Variants in RAI2 observed in about 807,000 individuals in gnomAD.
RAI2 encodes retinoic acid-induced protein 2.
Under a neutral mutation model 15.3 loss-of-function variants are expected in RAI2, and 5 were observed. That is an observed-to-expected ratio of 0.33 (90% CI 0.17 to 0.69). The LOEUF is 0.69. RAI2 is among the 30% of genes least tolerant of loss of function. The pLI is 0.69. For synonymous variants in RAI2, 191 were observed against 184.0 expected, an observed-to-expected ratio of 1.04 and a Z score of -0.31; for missense variants, 424 against 424.7, an observed-to-expected ratio of 1.00 and a Z score of 0.01.
At chrX:17,808,636 C>A (rs904116648) in intron 1 of RAI2, among the ~76,000 whole-genome samples, 2 of 110,560 alleles carry the variant, frequency 1.8e-5, no homozygotes, top group East Asian at 2.8e-4. Context: ...CCTCTTCCCC[C>A]CCGGCCCCCG....
At chrX:17,848,554 G>A (rs922142769) in intron 1 of RAI2, among the ~76,000 whole-genome samples, 2 of 110,298 alleles carry the variant, frequency 1.8e-5, no homozygotes, top group African/African-American at 6.6e-5. Flanking sequence ...TGTTAAGGTG[G>A]CTGACATCAC....
At chrX:17,803,524 C>T (rs1328426694) in intron 1 of RAI2, among the ~76,000 whole-genome samples, 1 of 108,892 alleles carries the variant, frequency 9.2e-6, no homozygotes, top group Non-Finnish European at 1.9e-5. Context: ...GAGTGAGACT[C>T]CTTTAAAAAA....
At chrX:17,820,847 A>C (rs1411793852) in intron 1 of RAI2, among the ~76,000 whole-genome samples, 1 of 110,584 alleles carries the variant, frequency 9.0e-6, no homozygotes, top group East Asian at 2.8e-4. Flanking sequence ...CCAACCTCTC[A>C]GCTGAAGAAG....
intron 1 of RAI2, among the ~76,000 whole-genome samples, chrX:17,831,705 C>T (rs1014098963): frequency 1.8e-5 from 2 of 112,423 alleles, no homozygotes; most frequent in African/African-American, 6.5e-5. Context: ...TAAGGACTGT[C>T]GAAGTGGGAG....
At chrX:17,841,025 G>A (rs900151686) in intron 1 of RAI2, among the ~76,000 whole-genome samples, 7 of 111,872 alleles carry the variant, frequency 6.3e-5, no homozygotes, top group African/African-American at 2.0e-4. Context: ...TTTATTTGTG[G>A]CCAGTCTGCA....
At chrX:17,825,451 G>C (rs1359198789) in intron 1 of RAI2, among the ~76,000 whole-genome samples, 5 of 112,827 alleles carry the variant, frequency 4.4e-5, no homozygotes, top group Non-Finnish European at 9.4e-5. Flanking sequence ...ACATGGCACT[G>C]AGAAGGCTGA....
At chrX:17,814,029 C>G (rs886513674) in intron 1 of RAI2, among the ~76,000 whole-genome samples, 21 of 111,682 alleles carry the variant, frequency 1.9e-4, no homozygotes, top group African/African-American at 6.2e-4. Flanking sequence ...TGGGCTCCCC[C>G]ACAAACAGAC....
At chrX:17,815,253 TATTA>T (rs1303632316) in intron 1 of RAI2, among the ~76,000 whole-genome samples, 1 of 110,766 alleles carries the variant, frequency 9.0e-6, no homozygotes, top group Non-Finnish European at 1.9e-5. Context: ...CGATTATAGG[TATTA>T]TTTCCTATTT....
intron 1 of RAI2, among the ~76,000 whole-genome samples, chrX:17,858,376 T>C (rs1469445106): frequency 8.9e-6 from 1 of 112,353 alleles, no homozygotes; most frequent in Non-Finnish European, 1.9e-5. Flanking sequence ...CAACAATACA[T>C]GTTAGTTCCC....
chrX:17,836,523 C>T (rs1402405021), intron 1 of RAI2, among the ~76,000 whole-genome samples: 11 of 111,907 alleles, frequency 9.8e-5, no homozygotes, highest in Admixed American at 8.5e-4. Context: ...CAATTTCTAG[C>T]GAACGAGTAT....
At chrX:17,831,216 T>C (rs2067278990) in intron 1 of RAI2, among the ~76,000 whole-genome samples, 1 of 111,802 alleles carries the variant, frequency 8.9e-6, no homozygotes, top group Non-Finnish European at 1.9e-5. Context: ...TTTTATTGGA[T>C]CTGTGTGATA....
chrX:17,820,158 G>A (rs1350962394), intron 1 of RAI2, among the ~76,000 whole-genome samples: 1 of 111,833 alleles, frequency 8.9e-6, no homozygotes, highest in Non-Finnish European at 1.9e-5. Context: ...CCTTACAAAG[G>A]AGGCAGCAAC....
intron 1 of RAI2, among the ~76,000 whole-genome samples, chrX:17,840,390 C>T (rs1357365094): frequency 9.0e-6 from 1 of 111,375 alleles, no homozygotes; most frequent in African/African-American, 3.3e-5. Context: ...AAATGCTCAT[C>T]CCCTTCCTAC....
At chrX:17,818,640 C>T (rs896693064) in intron 1 of RAI2, among the ~76,000 whole-genome samples, 26 of 112,413 alleles carry the variant, frequency 2.3e-4, no homozygotes, top group African/African-American at 6.8e-4. Context: ...GCAGGCTTCA[C>T]GCTTGTGAGG....
chrX:17,831,699 G>T (rs1465479550), intron 1 of RAI2, among the ~76,000 whole-genome samples: 1 of 112,575 alleles, frequency 8.9e-6, no homozygotes, highest in Admixed American at 9.4e-5. Flanking sequence ...AGCCAGTAAG[G>T]ACTGTCGAAG....
At position 17,801,728 on chromosome X, in the gene RAI2, G is replaced by C. The variant is rs757156005; in HGVS notation, c.283C>G (p.Gln95Glu). 8.3e-7 allele frequency: 1 copy of C among 1,212,031 alleles called. No homozygotes were observed. Among genetic ancestry groups the C allele is most frequent in the Non-Finnish European group, 1.1e-6 (1 of 895,567 alleles). The change falls in exon 2 of 2, where the codon CAG becomes GAG. Residue 95 changes from glutamine (Q) to glutamate (E), a missense_variant. Gln to Glu is a conservative substitution (Grantham distance 29, BLOSUM62 2). Coordinates refer to ENST00000451717, the MANE Select transcript of RAI2 (RefSeq NM_021785.6). The part of the protein sequence containing the change: ...ESPVVMPIHM[Q>E]VEGSSAPELN... ...TCTGGTGCGGAGCTTCCCTCCACCT[G>C]CATGTGAATGGGCATCACCACTGGG...
chrX:17,858,990 C>A (rs1042231060), intron 1 of RAI2, among the ~76,000 whole-genome samples: 2 of 111,411 alleles, frequency 1.8e-5, no homozygotes, highest in South Asian at 3.8e-4. Flanking sequence ...TCTGTCAGGA[C>A]GAGAAGCGAG....
At chrX:17,802,492 T>C (rs998801962) in intron 1 of RAI2, among the ~76,000 whole-genome samples, 1 of 112,553 alleles carries the variant, frequency 8.9e-6, no homozygotes, top group African/African-American at 3.2e-5. Context: ...GAATATGCTA[T>C]GACTATGGAA....
At chrX:17,817,895 A>T (rs1448207220) in intron 1 of RAI2, among the ~76,000 whole-genome samples, 1 of 111,972 alleles carries the variant, frequency 8.9e-6, no homozygotes, top group East Asian at 2.8e-4. Context: ...ACCTAGGGCC[A>T]GCTTTCTCCC....
Sources: gnomAD v4.1 joint callset for allele counts (sites outside exome capture counted in the v4.1 genomes callset) on GRCh38, gnomAD v4.1.1 for gene constraint, MANE v1.5 for transcripts, NCBI Gene and HGNC (gene_info 2026-07-23, HGNC 2026-07-21) for gene names.